AKT3: variants seen among roughly 807,000 people sequenced by gnomAD.
AKT3 encodes the protein RAC-gamma serine/threonine-protein kinase.
AKT3 carries 15 observed loss-of-function variants against 65.3 expected under a neutral mutation model. That is an observed-to-expected ratio of 0.23 (90% CI 0.15 to 0.35). AKT3 has a LOEUF of 0.35. Among genes scored for constraint, AKT3 ranks in the 10% least tolerant of loss-of-function variants. The probability of loss-of-function intolerance (pLI) is 1.00; values close to 1 mark genes in which losing one functional copy is unlikely to be tolerated. For missense variants in AKT3, 243 were observed against 576.5 expected (o/e 0.42, Z 5.92); for synonymous variants, 206 against 183.8 (o/e 1.12, Z -0.98).
chr1:243,507,246 A>G (rs2148349995), intron 13 of AKT3, among the ~76,000 whole-genome samples: 1 of 152,350 alleles, frequency 6.6e-6, no homozygotes, highest in South Asian at 2.1e-4. Flanking sequence ...CAGATGCTCA[A>G]CAGGGGCAGG....
intron 3 of AKT3, among the ~76,000 whole-genome samples, chr1:243,693,261 TATATATATATATATATATATATA>T (rs1684833158): frequency 1.2e-5 from 1 of 85,938 alleles, no homozygotes; most frequent in African/African-American, 4.5e-5. Flanking sequence ...TATATATATA[TATATATATATATATATATATATA>T]TATATATATA....
intron 12 of AKT3, among the ~76,000 whole-genome samples, chr1:243,530,005 G>C (rs899092763): frequency 2.0e-5 from 3 of 152,104 alleles, no homozygotes; most frequent in Non-Finnish European, 4.4e-5. Flanking sequence ...TCATTGTAAA[G>C]ATCTTTCACT....
intron 8 of AKT3, among the ~76,000 whole-genome samples, chr1:243,596,984 A>G (rs776369405): frequency 1.6e-4 from 25 of 152,370 alleles, no homozygotes; most frequent in Admixed American, 3.9e-4. Flanking sequence ...ACATTTTTAA[A>G]AAGATGAATC....
At chr1:243,803,501 C>A (rs1692505210) in intron 2 of AKT3, among the ~76,000 whole-genome samples, 1 of 152,130 alleles carries the variant, frequency 6.6e-6, no homozygotes, top group South Asian at 2.1e-4. Flanking sequence ...GCTTCCACTG[C>A]ATCTTTATGA....
chr1:243,811,735 A>C (rs373684208), intron 2 of AKT3, among the ~76,000 whole-genome samples: 2 of 152,160 alleles, frequency 1.3e-5, no homozygotes, highest in South Asian at 2.1e-4. Context: ...GCCAAAAGAA[A>C]AAAGCTGGAG....
At chr1:243,814,318 A>G (rs559504999) in intron 2 of AKT3, among the ~76,000 whole-genome samples, 1 of 152,336 alleles carries the variant, frequency 6.6e-6, no homozygotes, top group East Asian at 1.9e-4. Context: ...ATAGAACCCT[A>G]TTATATCTAA....
chr1:243,575,745 T>TA (rs941465574), intron 8 of AKT3, among the ~76,000 whole-genome samples: 5 of 152,094 alleles, frequency 3.3e-5, no homozygotes, highest in African/African-American at 7.2e-5. Flanking sequence ...ATGGAAAATT[T>TA]AAGGGAAAAA....
chr1:243,671,160 C>T (rs1472814491), intron 3 of AKT3, among the ~76,000 whole-genome samples: 1 of 150,866 alleles, frequency 6.6e-6, no homozygotes, highest in Non-Finnish European at 1.5e-5. Flanking sequence ...CTCATGCAAG[C>T]TCCACCTCCC....
chr1:243,807,866 G>C (rs563564263), intron 2 of AKT3, among the ~76,000 whole-genome samples: 1 of 152,272 alleles, frequency 6.6e-6, no homozygotes, highest in East Asian at 1.9e-4. Context: ...AGCAACATTT[G>C]CTGTTCACCA....
At chr1:243,731,378 G>A (rs1411102597) in intron 2 of AKT3, among the ~76,000 whole-genome samples, 1 of 152,168 alleles carries the variant, frequency 6.6e-6, no homozygotes, top group Non-Finnish European at 1.5e-5. Context: ...TATACAGCAA[G>A]AACTAAGGGG....
chr1:243,526,267 T>TAAA (rs1671072017), intron 12 of AKT3, among the ~76,000 whole-genome samples: 1 of 152,088 alleles, frequency 6.6e-6, no homozygotes, highest in Non-Finnish European at 1.5e-5. Context: ...GAAACCCGTG[T>TAAA]TAATTCGTAC....
chr1:243,736,667 C>A (rs150888002), intron 2 of AKT3, among the ~76,000 whole-genome samples: 36 of 152,166 alleles, frequency 2.4e-4, no homozygotes, highest in African/African-American at 8.7e-4. Flanking sequence ...AGGAGCCTTG[C>A]AAGTACTAAG....
chr1:243,823,968 A>G (rs1223296422), intron 2 of AKT3, among the ~76,000 whole-genome samples: 1 of 152,242 alleles, frequency 6.6e-6, no homozygotes, highest in South Asian at 2.1e-4. Flanking sequence ...CTAAGCAAAA[A>G]GAACAAAGCT....
At chr1:243,741,537 T>C (rs113334854) in intron 2 of AKT3, among the ~76,000 whole-genome samples, 2 of 152,204 alleles carry the variant, frequency 1.3e-5, no homozygotes, top group African/African-American at 4.8e-5. Flanking sequence ...TTATAAGACA[T>C]AGTCCAACAA....
At chr1:243,548,816 A>T (rs1672849132) in intron 11 of AKT3, among the ~76,000 whole-genome samples, 1 of 152,226 alleles carries the variant, frequency 6.6e-6, no homozygotes, top group Admixed American at 6.5e-5. Context: ...AAGGATGGAG[A>T]CTAAGAAATA....
At chr1:243,714,709 AT>A (rs368457371) in intron 2 of AKT3, among the ~76,000 whole-genome samples, 4 of 151,930 alleles carry the variant, frequency 2.6e-5, no homozygotes, top group East Asian at 1.9e-4. Flanking sequence ...AAGCTTTCAC[AT>A]TTTTTTTAAA....
At chr1:243,738,436 C>T (rs948468122) in intron 2 of AKT3, among the ~76,000 whole-genome samples, 9 of 152,120 alleles carry the variant, frequency 5.9e-5, no homozygotes, top group Non-Finnish European at 8.8e-5. Flanking sequence ...AAGTATTAAA[C>T]GTTTAACATT....
intron 4 of AKT3, among the ~76,000 whole-genome samples, chr1:243,664,571 G>C (rs184737852): frequency 1.3e-3 from 199 of 151,946 alleles, no homozygotes; most frequent in Non-Finnish European, 2.5e-3. Flanking sequence ...ATATCTTCTA[G>C]CATGCCCAGA....
chr1:243,523,653 C>T (rs1216492685), intron 12 of AKT3, among the ~76,000 whole-genome samples: 1 of 152,132 alleles, frequency 6.6e-6, no homozygotes, highest in Non-Finnish European at 1.5e-5. Flanking sequence ...TCAACCACCA[C>T]CCAATTAATT....
Sources: gnomAD v4.1 joint callset for allele counts (sites outside exome capture counted in the v4.1 genomes callset) on GRCh38, gnomAD v4.1.1 for gene constraint, MANE v1.5 for transcripts, NCBI Gene and HGNC (gene_info 2026-07-23, HGNC 2026-07-21) for gene names.